The following NFIA variants were observed in gnomAD, a reference collection of about 807,000 sequenced individuals.
NFIA encodes nuclear factor 1 A-type.
NFIA carries 8 observed loss-of-function variants against 62.8 expected under a neutral mutation model. The ratio of observed to expected loss-of-function variants is 0.13; its 90% CI spans 0.07 to 0.23. The LOEUF (loss-of-function observed/expected upper bound fraction) is 0.23, where lower values mean the gene tolerates loss of function less well. Ranked by LOEUF, NFIA falls within the 10% of genes least tolerant of loss-of-function variation. The pLI is 1.00. For synonymous variants in NFIA, 235 were observed against 238.1 expected (o/e 0.99, Z 0.12); for missense variants, 410 against 642.1 (o/e 0.64, Z 3.91).
chr1:61,205,168 C>T (rs72664864), intron 2 of NFIA, among the ~76,000 whole-genome samples: 18,962 of 152,144 alleles, frequency 0.12, 1,435 homozygotes, highest in African/African-American at 0.19. Context: ...ATCAGTTTAT[C>T]GAAGGCCATA....
intron 2 of NFIA, among the ~76,000 whole-genome samples, chr1:61,274,619 A>G (rs1307922611): frequency 6.6e-6 from 1 of 152,220 alleles, no homozygotes; most frequent in Non-Finnish European, 1.5e-5. Context: ...ACCACGTGAT[A>G]TTTGTCCGAA....
At chr1:61,303,894 T>G (rs1659618421) in intron 3 of NFIA, among the ~76,000 whole-genome samples, 1 of 152,156 alleles carries the variant, frequency 6.6e-6, no homozygotes, top group African/African-American at 2.4e-5. Context: ...CAAAATCTCT[T>G]TATGCTGTTC....
intron 2 of NFIA, among the ~76,000 whole-genome samples, chr1:61,256,360 G>A (rs1570462839): frequency 1.3e-5 from 2 of 149,468 alleles, no homozygotes; most frequent in South Asian, 2.1e-4. Context: ...CGCTTGAACC[G>A]AGGAGACAGA....
intron 2 of NFIA, among the ~76,000 whole-genome samples, chr1:61,241,072 C>T (rs1655323380): frequency 6.6e-6 from 1 of 151,776 alleles, no homozygotes; most frequent in Admixed American, 6.6e-5. Context: ...AGAGAGTTTC[C>T]ATGAGCTCAT....
chr1:61,152,237 G>A (rs1648470025), intron 2 of NFIA, among the ~76,000 whole-genome samples: 1 of 152,162 alleles, frequency 6.6e-6, no homozygotes, highest in Non-Finnish European at 1.5e-5. Flanking sequence ...GAGGCAGCAG[G>A]TCTTGTGGAA....
At chr1:61,267,385 T>C (rs1376539979) in intron 2 of NFIA, among the ~76,000 whole-genome samples, 1 of 152,062 alleles carries the variant, frequency 6.6e-6, no homozygotes, top group Non-Finnish European at 1.5e-5. Flanking sequence ...TGGCAGCACC[T>C]GTAATCCCAG....
At chr1:61,280,407 C>T (rs1306548306) in intron 3 of NFIA, among the ~76,000 whole-genome samples, 1 of 151,922 alleles carries the variant, frequency 6.6e-6, no homozygotes, top group Non-Finnish European at 1.5e-5. Context: ...CTTGATTCTT[C>T]AAATAAAATG....
chr1:61,396,623 C>G (rs1268019584), intron 7 of NFIA, among the ~76,000 whole-genome samples: 1 of 152,090 alleles, frequency 6.6e-6, no homozygotes. Flanking sequence ...ATGGGACTTT[C>G]AAGGGAAATG....
chr1:61,199,737 G>T (rs902817123), intron 2 of NFIA, among the ~76,000 whole-genome samples: 1 of 151,866 alleles, frequency 6.6e-6, no homozygotes, highest in South Asian at 2.1e-4. Context: ...GCTCATGCCT[G>T]CAATCCCAGC....
chr1:61,193,275 A>G lies in NFIA; in HGVS notation c.560-84245A>G, dbSNP rs115455551. 2.2e-3 allele frequency among the ~76,000 whole-genome samples: 337 copies of G among 152,376 alleles called. 3 individuals carry two copies. Among genetic ancestry groups the G allele is most frequent in the African/African-American group, 7.8e-3 (324 of 41,592 alleles). ...GTATAAAATTGAGCAGAAAAGCATA[A>G]TAAGAGAAGAAGCTCTGCTATGACT... On this transcript the variant is annotated intron_variant, in intron 2 of 10. Transcript: ENST00000403491.
intron 2 of NFIA, among the ~76,000 whole-genome samples, chr1:61,178,483 T>C (rs1650545630): frequency 6.6e-6 from 1 of 152,156 alleles, no homozygotes; most frequent in Non-Finnish European, 1.5e-5. Context: ...TTATCCTCCT[T>C]TCATATAGGA....
chr1:61,164,890 T>G (rs1012963742), intron 2 of NFIA, among the ~76,000 whole-genome samples: 1 of 152,184 alleles, frequency 6.6e-6, no homozygotes, highest in African/African-American at 2.4e-5. Context: ...CTGCAGGACC[T>G]GAAGACCCTG....
At chr1:61,219,616 A>G (rs973293917) in intron 2 of NFIA, among the ~76,000 whole-genome samples, 1 of 151,234 alleles carries the variant, frequency 6.6e-6, no homozygotes, top group Non-Finnish European at 1.5e-5. Flanking sequence ...TGGGAGGCTG[A>G]GGCAGGAGAA....
chr1:61,297,232 G>A (rs1440101965), intron 3 of NFIA, among the ~76,000 whole-genome samples: 1 of 152,146 alleles, frequency 6.6e-6, no homozygotes, highest in South Asian at 2.1e-4. Flanking sequence ...ATTCATTTAA[G>A]TGGGTTCTAC....
intron 2 of NFIA, among the ~76,000 whole-genome samples, chr1:61,223,857 C>T (rs1654164641): frequency 6.6e-6 from 1 of 152,112 alleles, no homozygotes; most frequent in South Asian, 2.1e-4. Context: ...TCAACTAAAA[C>T]TTCATCTCAG....
intron 3 of NFIA, among the ~76,000 whole-genome samples, chr1:61,306,269 C>CTTCTTTTTT (rs1659786752): frequency 1.6e-5 from 1 of 60,614 alleles, no homozygotes; most frequent in Non-Finnish European, 2.7e-5. Flanking sequence ...AGATTTTGTT[C>CTTCTTTTTT]TTTTTTTTTT....
intron 10 of NFIA, among the ~76,000 whole-genome samples, chr1:61,453,415 A>G (rs1034074548): frequency 6.6e-6 from 1 of 150,538 alleles, no homozygotes; most frequent in African/African-American, 2.4e-5. Flanking sequence ...GGCAAGGCAC[A>G]TACTGAATAG....
At chr1:61,357,498 C>A (rs1569593319) in intron 5 of NFIA, among the ~76,000 whole-genome samples, 1 of 152,030 alleles carries the variant, frequency 6.6e-6, no homozygotes, top group African/African-American at 2.4e-5. Context: ...GTAGAGCAGC[C>A]CTGCCTCTGC....
intron 3 of NFIA, among the ~76,000 whole-genome samples, chr1:61,282,032 C>A (rs1239564271): frequency 6.6e-6 from 1 of 152,010 alleles, no homozygotes; most frequent in Non-Finnish European, 1.5e-5. Context: ...AGCTGAAAAC[C>A]TAATTTGGGT....
Sources: allele counts gnomAD v4.1 joint callset (sites outside exome capture counted in the v4.1 genomes callset), GRCh38; gene constraint gnomAD v4.1.1; transcripts MANE v1.5; gene names NCBI Gene and HGNC (gene_info 2026-07-23, HGNC 2026-07-21).